The following ZNF268 variants were observed in gnomAD, a reference collection of about 807,000 sequenced individuals.
The protein encoded by ZNF268 is zinc finger protein 268, also known as zinc finger protein 3.
ZNF268 carries 20 observed loss-of-function variants against 29.3 expected under a neutral mutation model. That is an observed-to-expected ratio of 0.68 (90% CI 0.48 to 0.99). The LOEUF (loss-of-function observed/expected upper bound fraction) is 0.99. Among genes scored for constraint, ZNF268 ranks in the 50% least tolerant of loss-of-function variants. The pLI, the probability that ZNF268 is intolerant of heterozygous loss-of-function variation, is 0.00. For synonymous variants in ZNF268, 429 were observed against 376.9 expected, an observed-to-expected ratio of 1.14 and a Z score of -1.60; for missense variants, 1,240 against 1,121.6, an observed-to-expected ratio of 1.11 and a Z score of -1.51.
At position 133,204,099 on chromosome 12, in the gene ZNF268, G is replaced by T. The variant is rs1182298112; in HGVS notation, c.2413G>T (p.Glu805Ter). The part of the protein sequence containing the change: ...LIIHMRTHSG[E>*]KPYECNECGK... ...TATACACATGAGAACTCATTCAGGT[G>T]AAAAACCATATGAATGTAATGAATG... The change falls in exon 6 of 6, where the codon GAA (glutamate) becomes TAA (stop). Residue 805 changes from glutamate to a stop codon, truncating the protein, a stop_gained. Transcript: ENST00000536435. LOFTEE classifies it low-confidence loss of function (END_TRUNC). 1 of 1,547,712 alleles carries T rather than the reference G, an allele frequency of 6.5e-7. No individual in the cohort carries two copies. The highest frequency in any genetic ancestry group is 8.7e-7 in the Non-Finnish European group (1 of 1,148,940).
In ZNF268 at chr12:133,207,951, ATTAAG is replaced by A. The variant is rs1956928932; in HGVS notation, c.*3424_*3428del. The A allele has an allele frequency of 6.6e-6, 1 of 152,234 alleles. No homozygotes were observed. Among genetic ancestry groups the A allele is most frequent in the Non-Finnish European group, 1.5e-5 (1 of 68,034 alleles). The allele number at this position is 152,234 out of a possible 1,614,324, so 9.4% of individuals were successfully genotyped here. ...CACCCATAGATGACACTAAAATACTATTAAGTTGGGAATTAAAATTAACTCCTGTA... is the reference window on the plus strand; with the variant it reads ...CACCCATAGATGACACTAAAATACTATTGGGAATTAAAATTAACTCCTGTA... On this transcript the variant is annotated 3_prime_UTR_variant, in exon 6 of 6. Transcript: ENST00000536435.
chr12:133,181,898 T>C (rs1034252000), intron 1 of ZNF268, 48 bp from the exon 2 acceptor site: 2 of 1,340,112 alleles, frequency 1.5e-6, no homozygotes. Flanking sequence ...CCCTCTGGGT[T>C]TGGGGACTGC....
In ZNF268 at chr12:133,202,729, T is replaced by TTA; in HGVS notation, c.1046_1047dup (p.His350TyrfsTer51). 1 of 1,611,980 alleles carries TTA rather than the reference T, an allele frequency of 6.2e-7. No homozygotes were observed. ...ACATTCAGTTTCCATTCACAGCTTG[T>TTA]TATACATCAGAGAATTCACACAGGT... On this transcript the variant is annotated frameshift_variant, in exon 6 of 6. Coordinates refer to ENST00000536435, the MANE Select transcript of ZNF268 (RefSeq NM_003415.3). LOFTEE classifies it low-confidence loss of function (END_TRUNC).
chr12:133,192,370 A>C (rs1956497600), intron 5 of ZNF268, among the ~76,000 whole-genome samples: 1 of 151,916 alleles, frequency 6.6e-6, no homozygotes, highest in Admixed American at 6.6e-5. Flanking sequence ...AGTCTCCTAA[A>C]GTGCTGGGAT....
At chr12:133,186,766 T>C (rs11147286) in intron 2 of ZNF268, among the ~76,000 whole-genome samples, 52,442 of 152,018 alleles carry the variant, frequency 0.34, 9,494 homozygotes, top group African/African-American at 0.42. Context: ...ACTATTGATA[T>C]GTGCTATGAC....
chr12:133,191,985 C>T lies in ZNF268; in HGVS notation c.439C>T (p.Pro147Ser). The T allele has an allele frequency of 6.2e-7, 1 of 1,613,080 alleles. No individual in the cohort carries two copies. Among genetic ancestry groups the T allele is most frequent in the Non-Finnish European group, 8.5e-7 (1 of 1,179,226 alleles). Reference protein sequence around the residue: ...EELCMVQAQVPNQTCPNTVWK... With the variant: ...EELCMVQAQVSNQTCPNTVWK... ...GCTGTGTATGGTGCAGGCCCAAGTT[C>T]CAAATCAGACCTGTCCAAGTGAGTG... The change falls in exon 5 of 6, where the codon CCA (proline) becomes TCA (serine). Residue 147 changes from proline to serine, a missense_variant. Physicochemically the swap from Pro to Ser is moderately conservative, Grantham distance 74 (BLOSUM62 -1). Around this residue, in one of 3 missense-constraint regions of ZNF268, gnomAD observed 1,177 missense variants for 1,039.6 expected, o/e 1.13. Coordinates refer to ENST00000536435, the MANE Select transcript of ZNF268 (RefSeq NM_003415.3).
intron 5 of ZNF268, among the ~76,000 whole-genome samples, chr12:133,197,562 A>G (rs1170644426): frequency 6.6e-6 from 1 of 152,020 alleles, no homozygotes; most frequent in Non-Finnish European, 1.5e-5. Flanking sequence ...CAGTAATGGG[A>G]TGGTTGGGTC....
chr12:133,191,747 C>T (rs1956481034), intron 4 of ZNF268, 132 bp downstream of exon 4: 1 of 1,475,788 alleles, frequency 6.8e-7, no homozygotes, highest in Non-Finnish European at 9.4e-7. Flanking sequence ...TTCTTAGTTC[C>T]CTATTGGCAG....
rs1333735299 is a variant in ZNF268, at chr12:133,203,827, A to G, written c.2141A>G (p.His714Arg). 1.9e-6 allele frequency: 3 copies of G among 1,563,356 alleles called. No homozygotes were observed. Among genetic ancestry groups the G allele is most frequent in the African/African-American group, 2.7e-5 (2 of 73,716 alleles). The change falls in exon 6 of 6, where the codon CAT (histidine) becomes CGT (arginine). Residue 714 changes from histidine (H) to arginine (R), a missense_variant. His to Arg is a conservative substitution (Grantham distance 29). Around this residue, in one of 3 missense-constraint regions of ZNF268, gnomAD observed 1,177 missense variants for 1,039.6 expected, o/e 1.13. Transcript: ENST00000536435. ...AGGAGCAAGTCATACCTTATTATAC[A>G]TATGAGAACTCATACAGGAGAGAAA... ...AFRSKSYLIIHMRTHTGEKPH... is the reference protein window; with the variant it reads ...AFRSKSYLIIRMRTHTGEKPH...
rs189562295 is a variant in ZNF268, at chr12:133,184,853, A to G, written c.33+2823A>G. On this transcript the variant is annotated intron_variant, in intron 2 of 5. Coordinates refer to ENST00000536435, the MANE Select transcript of ZNF268 (RefSeq NM_003415.3). ...ACATGAATTTTGGAGGGATGCAATC[A>G]TTGAAACCGTAGCAGTCATAAAAAC... The G allele has an allele frequency of 4.0e-4, 133 of 333,524 alleles. 3 individuals carry two copies. Among genetic ancestry groups the G allele is most frequent in the African/African-American group, 2.8e-3 (131 of 47,598 alleles). The allele number at this position is 333,524 out of a possible 1,614,324, so 20.7% of individuals were successfully genotyped here. A position where few individuals can be genotyped will look rare whatever the true frequency, so the allele number is the denominator to read the frequency against.
At position 133,203,630 on chromosome 12, in the gene ZNF268, C is replaced by G. The variant is rs1956814400; in HGVS notation, c.1944C>G (p.Ala648=). The stretch of plus-strand genomic sequence containing the variant: ...ATAGTTGTAATGAATGTGGAAAAGC[C>G]TTTACGTTCAAATCACAGCTCATTG... ...KPYSCNECGK[A]FTFKSQLIVH... The change falls in exon 6 of 6, where the codon GCC becomes GCG. Residue 648 remains alanine (A), a synonymous_variant. Coordinates refer to ENST00000536435, the MANE Select transcript of ZNF268 (RefSeq NM_003415.3). The G allele has an allele frequency of 6.4e-7, 1 of 1,564,422 alleles. No homozygotes were observed. The highest frequency in any genetic ancestry group is 1.4e-5 in the African/African-American group (1 of 73,572).
At chr12:133,182,168 G>C in intron 2 of ZNF268, 138 bp downstream of exon 2, 1 of 764,422 alleles carries the variant, frequency 1.3e-6, no homozygotes, top group East Asian at 2.8e-5. Context: ...GTCATTTATA[G>C]CATGTTAGAC....
At chr12:133,187,693 C>G (rs1167509210) in intron 2 of ZNF268, among the ~76,000 whole-genome samples, 179 bp from the exon 3 acceptor site, 1 of 152,144 alleles carries the variant, frequency 6.6e-6, no homozygotes, top group Non-Finnish European at 1.5e-5. Context: ...GACTTGAACT[C>G]TTGGTGCTAA....
Position 133,204,209 on chromosome 12 carries a change from T to C in ZNF268, c.2523T>C (p.Cys841=), listed in dbSNP as rs369196003. Reference sequence around the variant, plus strand: ...TCAACCCTTATAAATGCAGTCAATGTGAGAAATCCTTCAGTGGGAAATTAC... The same window carrying C: ...TCAACCCTTATAAATGCAGTCAATGCGAGAAATCCTTCAGTGGGAAATTAC... ...AGVNPYKCSQ[C]EKSFSGKLRL... Residue 841 remains cysteine, a synonymous_variant, in exon 6 of 6, where the codon TGT becomes TGC. Transcript: ENST00000536435. 15 of 1,540,672 alleles carry C rather than the reference T, an allele frequency of 9.7e-6. No homozygotes were observed. In the African/African-American group the frequency reaches 1.6e-4, roughly 17 times the overall value.
At chr12:133,191,862 T>C (rs1956483552) in intron 4 of ZNF268, 46 bp from the exon 5 acceptor site, 1 of 1,592,188 alleles carries the variant, frequency 6.3e-7, no homozygotes, top group Admixed American at 1.7e-5. Context: ...AATCTCTGAA[T>C]CTCAAGCTGT....
intron 5 of ZNF268, among the ~76,000 whole-genome samples, chr12:133,197,193 C>T (rs1297729995): frequency 1.3e-4 from 15 of 113,364 alleles, no homozygotes; most frequent in African/African-American, 4.7e-4. Context: ...CCCCCTCCCC[C>T]CACCCCACAA....
chr12:133,182,704 A>G (rs1002727003), intron 2 of ZNF268, among the ~76,000 whole-genome samples: 1 of 152,234 alleles, frequency 6.6e-6, no homozygotes, highest in Admixed American at 6.5e-5. Flanking sequence ...CAGCCTAGGA[A>G]AAAGAAGTAA....
chr12:133,195,127 A>C (rs907747124), intron 5 of ZNF268, among the ~76,000 whole-genome samples: 4 of 152,204 alleles, frequency 2.6e-5, no homozygotes, highest in Non-Finnish European at 5.9e-5. Flanking sequence ...GCCTTGTCAC[A>C]ATTTCTTTCT....
At position 133,204,249 on chromosome 12, in the gene ZNF268, C is replaced by T. The variant is rs1566387386; in HGVS notation, c.2563C>T (p.Gln855Ter). The change falls in exon 6 of 6, where the codon CAG becomes TAG. Residue 855 changes from glutamine to a stop codon, truncating the protein, a stop_gained. Transcript: ENST00000536435. LOFTEE classifies it high-confidence loss of function. Reference sequence around the variant, plus strand: ...TGGGAAATTACGCCTTCTTGTACACCAGAGAATGCACACAAGAGAGAAACC... The same window carrying T: ...TGGGAAATTACGCCTTCTTGTACACTAGAGAATGCACACAAGAGAGAAACC... ...FSGKLRLLVH[Q>*]RMHTREKPYE... is the part of the protein sequence containing the mutation. The T allele has an allele frequency of 1.9e-6, 3 of 1,545,874 alleles. No homozygotes were observed. Among genetic ancestry groups the T allele is most frequent in the East Asian group, 2.4e-5 (1 of 41,224 alleles).
Sources: allele counts gnomAD v4.1 joint callset (sites outside exome capture counted in the v4.1 genomes callset), GRCh38; gene constraint gnomAD v4.1.1; regional missense constraint gnomAD v4.1.1; transcripts MANE v1.5; gene names NCBI Gene and HGNC (gene_info 2026-07-23, HGNC 2026-07-21).